Variants in KCNG2 observed in about 807,000 individuals in gnomAD.
KCNG2 encodes voltage-gated potassium channel regulatory subunit KCNG2.
A neutral mutation model predicts 12.3 loss-of-function variants in KCNG2; 7 were observed. The ratio of observed to expected loss-of-function variants is 0.57; its 90% CI spans 0.32 to 1.07. KCNG2 has a LOEUF of 1.07. KCNG2 is among the 50% of genes least tolerant of loss of function. The pLI is 0.04. For missense variants in KCNG2, 703 were observed against 726.0 expected, an observed-to-expected ratio of 0.97 and a Z score of 0.36; for synonymous variants, 414 against 351.4, an observed-to-expected ratio of 1.18 and a Z score of -1.99.
At chr18:79,825,794 G>C (rs139021520) in intron 1 of KCNG2, among the ~76,000 whole-genome samples, 1 of 152,130 alleles carries the variant, frequency 6.6e-6, no homozygotes, top group South Asian at 2.1e-4. Context: ...TACCTGTATC[G>C]TCTGGGGGAA....
chr18:79,896,893 T>C (rs1233829889), intron 3 of KCNG2, among the ~76,000 whole-genome samples: 1 of 152,254 alleles, frequency 6.6e-6, no homozygotes, highest in Non-Finnish European at 1.5e-5. Flanking sequence ...TTGAGCACTT[T>C]GGATGTGCTA....
intron 3 of KCNG2, among the ~76,000 whole-genome samples, chr18:79,895,533 GTTCAC>G (rs1013957174): frequency 2.6e-5 from 4 of 151,806 alleles, no homozygotes; most frequent in East Asian, 1.9e-4. Flanking sequence ...GCTTTTGATT[GTTCAC>G]TTCATTCACA....
At position 79,800,855 on chromosome 18, in the gene KCNG2, T is replaced by C. The variant is rs781030623; in HGVS notation, c.-115+2841T>C. 4.6e-5 allele frequency among the ~76,000 whole-genome samples: 7 copies of C among 152,190 alleles called. No individual in the cohort carries two copies. The highest frequency in any genetic ancestry group is 8.8e-5 in the Non-Finnish European group (6 of 68,034). The stretch of plus-strand genomic sequence containing the variant: ...ACCCGAAGCAAATGTCAAGTCAAAA[T>C]GGGTCCCCGGCGGGGCCAGGAGAAC... On this transcript the variant is annotated intron_variant, in intron 1 of 3. Transcript: ENST00000316249. The surrounding 1 kb of genome is among the most constrained non-coding windows in gnomAD (Gnocchi z 4.0).
intron 2 of KCNG2, among the ~76,000 whole-genome samples, chr18:79,856,748 C>A (rs777763737): frequency 1.3e-5 from 2 of 152,158 alleles, no homozygotes; most frequent in South Asian, 4.2e-4. Flanking sequence ...TAGGCTTCTT[C>A]GACAAACTGG....
chr18:79,862,672 C>A (rs1979265998), intron 2 of KCNG2, among the ~76,000 whole-genome samples: 1 of 152,260 alleles, frequency 6.6e-6, no homozygotes, highest in South Asian at 2.1e-4. Context: ...CCCAGCCTTT[C>A]GTCCCCAGCT....
chr18:79,804,439 C>T (rs1050319442), intron 1 of KCNG2, among the ~76,000 whole-genome samples: 8 of 152,250 alleles, frequency 5.3e-5, no homozygotes, highest in Admixed American at 3.9e-4. Context: ...GCCAGTGCTG[C>T]GTCAGAGGCC....
At chr18:79,864,324 C>G (rs750303505) in intron 3 of KCNG2, 33 bp downstream of exon 3, 5 of 1,026,068 alleles carry the variant, frequency 4.9e-6, no homozygotes, top group African/African-American at 4.0e-5. Flanking sequence ...GGGACCGGGC[C>G]GGAGCTGGGG....
intron 3 of KCNG2, among the ~76,000 whole-genome samples, chr18:79,887,077 CGGGACAGGGACATAGGGCCATA>C (rs1366746684): frequency 2.1e-5 from 3 of 140,250 alleles, no homozygotes; most frequent in Admixed American, 2.1e-4. Context: ...CATGGGGACA[CGGGACAGGGACATAGGGCCATA>C]GGGACAGGGA....
At chr18:79,892,038 C>G (rs1308216447) in intron 3 of KCNG2, among the ~76,000 whole-genome samples, 1 of 151,036 alleles carries the variant, frequency 6.6e-6, no homozygotes, top group Non-Finnish European at 1.5e-5. Flanking sequence ...TCACTTGAAC[C>G]TGGGAGGCAG....
At chr18:79,853,191 G>A (rs539110631) in intron 1 of KCNG2, among the ~76,000 whole-genome samples, 4 of 152,338 alleles carry the variant, frequency 2.6e-5, no homozygotes, top group Middle Eastern at 3.4e-3. Flanking sequence ...ACATCCTAGC[G>A]GGAGTGGACA....
At chr18:79,823,320 C>T (rs2087586289) in intron 1 of KCNG2, among the ~76,000 whole-genome samples, 1 of 152,196 alleles carries the variant, frequency 6.6e-6, no homozygotes, top group African/African-American at 2.4e-5. Flanking sequence ...GTGAACACCA[C>T]ATGTGGACCT....
In KCNG2 at chr18:79,822,906, G is replaced by A. The variant is rs1359461710; in HGVS notation, c.-115+24892G>A. Among the ~76,000 whole-genome samples the A allele has an allele frequency of 6.6e-6, 1 of 152,216 alleles. No homozygotes were observed. The highest frequency in any genetic ancestry group is 1.5e-5 in the Non-Finnish European group (1 of 68,032). ...TGTGAGGCACCTGGGCTTATCGTGGGCGTTGGTGTTGCGTGTGGGTGTGGC... is the reference window on the plus strand; with the variant it reads ...TGTGAGGCACCTGGGCTTATCGTGGACGTTGGTGTTGCGTGTGGGTGTGGC... On this transcript the variant is annotated intron_variant, in intron 1 of 3. Coordinates refer to ENST00000316249, the MANE Select transcript of KCNG2 (RefSeq NM_012283.2). This position sits in a 1 kb window ranked among gnomAD's most constrained non-coding sequence, Gnocchi z 4.4.
intron 1 of KCNG2, among the ~76,000 whole-genome samples, chr18:79,799,484 G>A (rs2087391033): frequency 6.6e-6 from 1 of 152,196 alleles, no homozygotes; most frequent in Non-Finnish European, 1.5e-5. Flanking sequence ...ACATTCTGGG[G>A]ATGAGGTCAC....
At chr18:79,868,838 G>A (rs913872550) in intron 3 of KCNG2, among the ~76,000 whole-genome samples, 3 of 152,264 alleles carry the variant, frequency 2.0e-5, no homozygotes, top group African/African-American at 7.2e-5. Context: ...CAGCTGCTGA[G>A]GGACGGCAGT....
chr18:79,811,616 T>G (rs2087494695), intron 1 of KCNG2, among the ~76,000 whole-genome samples: 1 of 151,830 alleles, frequency 6.6e-6, no homozygotes, highest in South Asian at 2.1e-4. Context: ...AAAAGACAAT[T>G]AACAGACACC....
intron 1 of KCNG2, among the ~76,000 whole-genome samples, chr18:79,818,323 G>C (rs1324742620): frequency 2.0e-5 from 3 of 152,226 alleles, no homozygotes; most frequent in African/African-American, 7.2e-5. Context: ...GAGCCCAAGA[G>C]GGGCGTGGAG....
chr18:79,865,793 G>C (rs1243911022), intron 3 of KCNG2, among the ~76,000 whole-genome samples: 1 of 131,638 alleles, frequency 7.6e-6, no homozygotes, highest in African/African-American at 2.7e-5. Context: ...TCTGGGTGCT[G>C]AGAGGTCTGT....
intron 1 of KCNG2, among the ~76,000 whole-genome samples, chr18:79,834,101 G>A (rs1316999421): frequency 6.6e-6 from 1 of 152,162 alleles, no homozygotes; most frequent in Non-Finnish European, 1.5e-5. Flanking sequence ...ACCCCTTCAC[G>A]TTAAAGCGTG....
intron 1 of KCNG2, among the ~76,000 whole-genome samples, chr18:79,846,256 C>T (rs1978622680): frequency 6.6e-6 from 1 of 151,474 alleles, no homozygotes; most frequent in African/African-American, 2.4e-5. Flanking sequence ...GCCTGTAGTC[C>T]CAGCTACTTG....
Sources: gnomAD v4.1 joint callset for allele counts (sites outside exome capture counted in the v4.1 genomes callset) on GRCh38, gnomAD v4.1.1 for gene constraint, Gnocchi (gnomAD v3.1) non-coding constraint, MANE v1.5 for transcripts, NCBI Gene and HGNC (gene_info 2026-07-23, HGNC 2026-07-21) for gene names.